Variants in ST7 observed in about 807,000 individuals in gnomAD.
ST7 encodes the protein suppressor of tumorigenicity 7 protein.
ST7 carries 28 observed loss-of-function variants against 78.7 expected under a neutral mutation model. The observed-to-expected ratio is 0.36, with a 90% CI of 0.26 to 0.49. The LOEUF is 0.49. Ranked by LOEUF, ST7 falls within the 20% of genes least tolerant of loss-of-function variation. ST7 has a pLI of 0.99. For missense variants in ST7, 418 were observed against 696.0 expected, an observed-to-expected ratio of 0.60 and a Z score of 4.49; for synonymous variants, 247 against 249.6, an observed-to-expected ratio of 0.99 and a Z score of 0.10.
chr7:117,034,233 C>G (rs995875085), intron 1 of ST7, among the ~76,000 whole-genome samples: 2 of 152,162 alleles, frequency 1.3e-5, no homozygotes, highest in African/African-American at 4.8e-5. Context: ...GCCACTGTGC[C>G]TGGCCTGCTG....
At chr7:117,003,034 G>A (rs1266144623) in intron 1 of ST7, among the ~76,000 whole-genome samples, 1 of 151,824 alleles carries the variant, frequency 6.6e-6, no homozygotes, top group Non-Finnish European at 1.5e-5. Flanking sequence ...ATGTTGGCCA[G>A]GCTGGTCTCG....
chr7:116,960,587 T>C lies in ST7; in HGVS notation c.151+6896T>C, dbSNP rs1217829256. ...TTCTGAAAAATTTCCCAACCAAATC[T>C]TTCTTGTACTACTGTGTCATTGCTC... On this transcript the variant is annotated intron_variant, in intron 1 of 15. Transcript: ENST00000323984. Among the ~76,000 whole-genome samples, 3 of 152,330 alleles carry C rather than the reference T, an allele frequency of 2.0e-5. No homozygotes were observed. The South Asian group carries it at 6.2e-4, about 32-fold the overall frequency.
intron 3 of ST7, among the ~76,000 whole-genome samples, chr7:117,122,803 G>A (rs2116965476): frequency 6.6e-6 from 1 of 152,258 alleles, no homozygotes; most frequent in East Asian, 1.9e-4. Context: ...TAATACCATT[G>A]CTGTTTCTGT....
intron 1 of ST7, among the ~76,000 whole-genome samples, chr7:117,059,015 T>TA (rs1379201615): frequency 6.6e-6 from 1 of 151,882 alleles, no homozygotes; most frequent in Non-Finnish European, 1.5e-5. Flanking sequence ...CTAATGGAGA[T>TA]AGAGAATAGA....
intron 15 of ST7, among the ~76,000 whole-genome samples, chr7:117,227,008 C>G (rs2116229524): frequency 6.6e-6 from 1 of 152,324 alleles, no homozygotes; most frequent in Admixed American, 6.5e-5. Context: ...TTATGGACAT[C>G]AACCAGGATG....
intron 1 of ST7, among the ~76,000 whole-genome samples, chr7:117,026,658 C>T (rs1037657404): frequency 3.3e-4 from 50 of 152,316 alleles, no homozygotes; most frequent in African/African-American, 1.2e-3. Context: ...CATATCATGG[C>T]TCTACCGTGT....
intron 1 of ST7, among the ~76,000 whole-genome samples, chr7:116,975,894 A>C (rs941954673): frequency 6.6e-6 from 1 of 152,286 alleles, no homozygotes; most frequent in East Asian, 1.9e-4. Context: ...AGCATCTTCA[A>C]CTTTACTGGG....
At chr7:117,204,283 T>C (rs1791526734) in intron 12 of ST7, among the ~76,000 whole-genome samples, 1 of 152,256 alleles carries the variant, frequency 6.6e-6, no homozygotes, top group African/African-American at 2.4e-5. Context: ...TGCACGCTTA[T>C]ATGCCAGGTA....
At chr7:117,218,436 CA>C (rs769731873) in intron 13 of ST7, among the ~76,000 whole-genome samples, 10 of 152,116 alleles carry the variant, frequency 6.6e-5, no homozygotes, top group Non-Finnish European at 1.3e-4. Flanking sequence ...TCTGATGCTA[CA>C]AAAGCAGAAT....
Position 117,014,915 on chromosome 7 carries a change from C to T in ST7, c.151+61224C>T, listed in dbSNP as rs538207844. 44 of 1,199,442 alleles carry T rather than the reference C, an allele frequency of 3.7e-5. No individual in the cohort carries two copies. The East Asian group carries it at 5.5e-4, about 15-fold the overall frequency. The allele number at this position is 1,199,442 out of a possible 1,614,324, so 74.3% of individuals were successfully genotyped here. On this transcript the variant is annotated intron_variant, in intron 1 of 15. Transcript: ENST00000323984. ...CACATGGCAGGAGGCTTCCCCAGAA[C>T]GGTTCGTCAGTCCAGGGAGCCGTTT... is the stretch of plus-strand genomic sequence containing the variant.
chr7:117,184,056 A>G (rs1809016340), intron 10 of ST7: 1 of 152,248 alleles, frequency 6.6e-6, no homozygotes, highest in Non-Finnish European at 1.5e-5. Context: ...ATAACTTTTA[A>G]TGAAAGGCTT....
At chr7:116,979,248 A>G (rs1793838819) in intron 1 of ST7, among the ~76,000 whole-genome samples, 1 of 152,202 alleles carries the variant, frequency 6.6e-6, no homozygotes. Flanking sequence ...AAGGGGAGGG[A>G]CAAATGGAAA....
chr7:117,226,757 C>A (rs6954357), intron 15 of ST7, among the ~76,000 whole-genome samples: 63,249 of 151,972 alleles, frequency 0.42, 15,025 homozygotes, highest in African/African-American at 0.64. Flanking sequence ...TGAAGGGAGC[C>A]CATCTCAACT....
At chr7:117,115,205 T>A (rs954344331) in intron 2 of ST7, among the ~76,000 whole-genome samples, 3 of 152,166 alleles carry the variant, frequency 2.0e-5, no homozygotes, top group Non-Finnish European at 2.9e-5. Context: ...CTGAGATCAG[T>A]GTCACCCAGT....
At chr7:117,204,955 T>C (rs1237213414) in intron 12 of ST7, among the ~76,000 whole-genome samples, 3 of 152,116 alleles carry the variant, frequency 2.0e-5, no homozygotes. Flanking sequence ...ATAGTCCCAG[T>C]AACTTGGGAG....
At chr7:117,092,278 CAAAAAAAAAAAAA>C (rs747378081) in intron 1 of ST7, among the ~76,000 whole-genome samples, 2 of 30,296 alleles carry the variant, frequency 6.6e-5, no homozygotes, top group South Asian at 1.8e-3. Context: ...GACTCCGTCT[CAAAAAAAAAAAAA>C]AAAAAAAAAA....
At chr7:117,168,386 T>C (rs1340645359) in intron 9 of ST7, among the ~76,000 whole-genome samples, 6 of 152,208 alleles carry the variant, frequency 3.9e-5, no homozygotes, top group African/African-American at 7.2e-5. Flanking sequence ...AGTTTGATCA[T>C]TACCTGAAGA....
chr7:117,219,057 C>G lies in ST7; in HGVS notation c.1406-27C>G, dbSNP rs1437633679. ...AAGTTATGACACAAACATTGGACAT[C>G]TCTGACATATTTTTTCTCGTTTTCA... is the stretch of plus-strand genomic sequence containing the variant. On this transcript the variant is annotated intron_variant, in intron 13 of 15. Transcript: ENST00000323984. The surrounding 1 kb of genome is among the most constrained non-coding windows in gnomAD (Gnocchi z 5.1). The G allele has an allele frequency of 3.2e-6, 5 of 1,584,224 alleles. No homozygotes were observed. Among genetic ancestry groups the G allele is most frequent in the East Asian group, 2.3e-5 (1 of 44,398 alleles).
rs1584662548 is a variant in ST7, at chr7:117,101,339, G to A, written c.234+1495G>A. Among the ~76,000 whole-genome samples the A allele has an allele frequency of 2.0e-5, 3 of 152,114 alleles. No individual in the cohort carries two copies. The East Asian group carries it at 5.8e-4, about 29-fold the overall frequency. On this transcript the variant is annotated intron_variant, in intron 2 of 15. Transcript: ENST00000323984. Reference sequence around the variant, plus strand: ...TGAGCCTGAGCATGTACCTATCATTGCAGGTCAGCCACTCACATAAGAGCT... The same window carrying A: ...TGAGCCTGAGCATGTACCTATCATTACAGGTCAGCCACTCACATAAGAGCT...
Sources: allele counts gnomAD v4.1 joint callset (sites outside exome capture counted in the v4.1 genomes callset), GRCh38; gene constraint gnomAD v4.1.1; non-coding constraint Gnocchi (gnomAD v3.1); transcripts MANE v1.5; gene names NCBI Gene and HGNC (gene_info 2026-07-23, HGNC 2026-07-21).